Variants in MECOM observed in about 807,000 individuals in gnomAD.
MECOM encodes MDS1 and EVI1 complex locus, also known as histone-lysine N-methyltransferase MECOM.
Under a neutral mutation model 116.3 loss-of-function variants are expected in MECOM, and 13 were observed. The ratio of observed to expected loss-of-function variants is 0.11; its 90% CI spans 0.07 to 0.18. MECOM has a LOEUF of 0.18. Ranked by LOEUF, MECOM falls within the 10% of genes least tolerant of loss-of-function variation. The probability of loss-of-function intolerance (pLI) is 1.00; values close to 1 mark genes in which losing one functional copy is unlikely to be tolerated. For synonymous variants in MECOM, 528 were observed against 535.2 expected, an observed-to-expected ratio of 0.99 and a Z score of 0.19; for missense variants, 1,299 against 1,509.0, an observed-to-expected ratio of 0.86 and a Z score of 2.31.
In MECOM at chr3:169,233,335, T is replaced by A. The variant is rs528877021; in HGVS notation, c.376-89503A>T. 8.5e-5 allele frequency among the ~76,000 whole-genome samples: 13 copies of A among 152,216 alleles called. No homozygotes were observed. The East Asian group carries it at 2.3e-3, about 27-fold the overall frequency. On this transcript the variant is annotated intron_variant, in intron 2 of 16. Transcript: ENST00000651503. ...GGGTCATGCGGTATCAGAAATGTCA[T>A]CTGGGGATGAACTACTTCTTGGGTG...
intron 2 of MECOM, among the ~76,000 whole-genome samples, chr3:169,325,299 C>A (rs1455745143): frequency 1.3e-5 from 2 of 152,172 alleles, no homozygotes; most frequent in African/African-American, 2.4e-5. Context: ...TACTATTCTG[C>A]TAGCCAAATT....
chr3:169,197,974 G>A (rs985830835), intron 2 of MECOM, among the ~76,000 whole-genome samples: 1 of 151,914 alleles, frequency 6.6e-6, no homozygotes, highest in African/African-American at 2.4e-5. Context: ...CGTGTGGTTG[G>A]CAGACTTGCT....
chr3:169,505,200 TTAAGA>T (rs1490533665), intron 1 of MECOM, among the ~76,000 whole-genome samples: 1 of 152,070 alleles, frequency 6.6e-6, no homozygotes, highest in African/African-American at 2.4e-5. Flanking sequence ...CTACTATCAA[TTAAGA>T]TAAGATTCCA....
intron 1 of MECOM, among the ~76,000 whole-genome samples, chr3:169,640,640 C>T (rs1308508672): frequency 6.6e-6 from 1 of 152,152 alleles, no homozygotes; most frequent in African/African-American, 2.4e-5. Context: ...AAGTGCTAAG[C>T]ACAGTACAAA....
At chr3:169,231,851 T>G (rs1345580270) in intron 2 of MECOM, among the ~76,000 whole-genome samples, 1 of 152,142 alleles carries the variant, frequency 6.6e-6, no homozygotes, top group Non-Finnish European at 1.5e-5. Context: ...TGAAGTAATA[T>G]GCAAATGTAT....
At chr3:169,549,793 T>C (rs1205963988) in intron 1 of MECOM, among the ~76,000 whole-genome samples, 1 of 152,250 alleles carries the variant, frequency 6.6e-6, no homozygotes, top group East Asian at 1.9e-4. Context: ...AGCTCCTACA[T>C]TGTTGCCTTG....
In MECOM at chr3:169,550,985, G is replaced by A. The variant is rs1007556573; in HGVS notation, c.37+112351C>T. On this transcript the variant is annotated intron_variant, in intron 1 of 16. Transcript: ENST00000651503. ...ACTACAGGCGCCCGCCACTACGCCC[G>A]GCTAATTTTTTGTATTTTTAGTAGA... 5.5e-5 allele frequency among the ~76,000 whole-genome samples: 6 copies of A among 108,412 alleles called. 1 individual carries two copies. The highest frequency in any genetic ancestry group is 1.5e-4 in the African/African-American group (5 of 33,468). 71.1% of individuals were successfully genotyped at this position (108,412 alleles called of 152,430 possible). A position where few individuals can be genotyped will look rare whatever the true frequency, so the allele number is the denominator to read the frequency against.
At chr3:169,514,866 C>T (rs781125773) in intron 1 of MECOM, among the ~76,000 whole-genome samples, 25 of 152,172 alleles carry the variant, frequency 1.6e-4, no homozygotes, top group Admixed American at 6.5e-5. Context: ...AGTTTTAAAT[C>T]AACTTACCAA....
In MECOM at chr3:169,378,386, CAAGAAAGAAAGAAAGA is replaced by C. The variant is rs1195791276; in HGVS notation, c.375+2785_375+2800del. On this transcript the variant is annotated intron_variant, in intron 2 of 16. Transcript: ENST00000651503. The stretch of plus-strand genomic sequence containing the variant: ...GAAGGAAGGAAGCAAGGAAGGAAGA[CAAGAAAGAAAGAAAGA>C]AAGAAAGAAAGAAAGAAAGAAAGAA... 5.9e-4 allele frequency among the ~76,000 whole-genome samples: 35 copies of C among 59,182 alleles called. 1 individual carries two copies. Among genetic ancestry groups the C allele is most frequent in the Admixed American group, 1.4e-3 (7 of 4,912 alleles). The allele number at this position is 59,182 out of a possible 152,430, so 38.8% of individuals were successfully genotyped here.
At chr3:169,206,701 C>T (rs1256921912) in intron 2 of MECOM, among the ~76,000 whole-genome samples, 4 of 149,008 alleles carry the variant, frequency 2.7e-5, no homozygotes, top group Non-Finnish European at 4.4e-5. Context: ...TGCAGTGAGC[C>T]GAGATTGCAC....
chr3:169,471,600 C>T (rs909600942), intron 1 of MECOM, among the ~76,000 whole-genome samples: 7 of 152,148 alleles, frequency 4.6e-5, no homozygotes, highest in African/African-American at 1.7e-4. Context: ...ATTATTCTTC[C>T]TTAGATTTCT....
chr3:169,423,569 T>C (rs566926682), intron 1 of MECOM, among the ~76,000 whole-genome samples: 42 of 152,236 alleles, frequency 2.8e-4, no homozygotes, highest in African/African-American at 8.2e-4. Flanking sequence ...CAAAAGATGA[T>C]CAAAACTAAT....
At chr3:169,490,273 A>G (rs1341270492) in intron 1 of MECOM, among the ~76,000 whole-genome samples, 1 of 152,196 alleles carries the variant, frequency 6.6e-6, no homozygotes, top group Non-Finnish European at 1.5e-5. Context: ...GTGTACAATC[A>G]ACACGAGCTG....
At chr3:169,110,759 G>A (rs895395913) in intron 9 of MECOM, among the ~76,000 whole-genome samples, 2 of 152,068 alleles carry the variant, frequency 1.3e-5, no homozygotes, top group Non-Finnish European at 2.9e-5. Flanking sequence ...TAAGTATTTT[G>A]ATCACCACTC....
In MECOM at chr3:169,100,101, CTT is replaced by C. The variant is rs869032341; in HGVS notation, c.2849+782_2849+783del. ...TTTTTCTTTCTTTCTTTCTTTCTTTCTTTTTTTTTTTTTTTTTGACAGAGTCT... is the reference window on the plus strand; with the variant it reads ...TTTTTCTTTCTTTCTTTCTTTCTTTCTTTTTTTTTTTTTTTGACAGAGTCT... On this transcript the variant is annotated intron_variant, in intron 12 of 16. Transcript: ENST00000651503. 2.0e-4 allele frequency among the ~76,000 whole-genome samples: 10 copies of C among 50,648 alleles called. No individual in the cohort carries two copies. In the East Asian group the frequency reaches 3.8e-3, roughly 19 times the overall value. 33.2% of individuals were successfully genotyped at this position (50,648 alleles called of 152,430 possible).
chr3:169,586,048 A>C (rs565651288), intron 1 of MECOM, among the ~76,000 whole-genome samples: 1 of 152,350 alleles, frequency 6.6e-6, no homozygotes, highest in South Asian at 2.1e-4. Flanking sequence ...GAAAACATTT[A>C]AGATCAACAG....
At chr3:169,145,250 G>A in intron 2 of MECOM, 1 of 465,000 alleles carries the variant, frequency 2.2e-6, no homozygotes. Context: ...CGACAGAAGT[G>A]TACACTTAAA....
intron 1 of MECOM, among the ~76,000 whole-genome samples, chr3:169,651,659 T>C (rs1319511887): frequency 6.6e-6 from 1 of 152,068 alleles, no homozygotes; most frequent in African/African-American, 2.4e-5. Context: ...GGATGAGGGA[T>C]AAGACTACAA....
At chr3:169,579,609 G>A (rs1330482014) in intron 1 of MECOM, among the ~76,000 whole-genome samples, 7 of 152,200 alleles carry the variant, frequency 4.6e-5, no homozygotes, top group Non-Finnish European at 7.3e-5. Flanking sequence ...GTATAAAGGG[G>A]TGAGCCCCAG....
Sources: allele counts gnomAD v4.1 joint callset (sites outside exome capture counted in the v4.1 genomes callset), GRCh38; gene constraint gnomAD v4.1.1; transcripts MANE v1.5; gene names NCBI Gene and HGNC (gene_info 2026-07-23, HGNC 2026-07-21).